The following LINGO2 variants were observed in gnomAD, a reference collection of about 807,000 sequenced individuals.
The protein encoded by LINGO2 is leucine rich repeat and Ig domain containing 2, also known as leucine-rich repeat and immunoglobulin-like domain-containing nogo receptor-interacting protein 2.
LINGO2 carries 14 observed loss-of-function variants against 30.6 expected under a neutral mutation model. The ratio of observed to expected loss-of-function variants is 0.46; its 90% CI spans 0.30 to 0.72. The LOEUF is 0.72. Among genes scored for constraint, LINGO2 ranks in the 30% least tolerant of loss-of-function variants. The probability of loss-of-function intolerance (pLI) is 0.07; values close to 1 mark genes in which losing one functional copy is unlikely to be tolerated. For synonymous variants in LINGO2, 317 were observed against 288.5 expected, an observed-to-expected ratio of 1.10 and a Z score of -1.00; for missense variants, 729 against 751.7, an observed-to-expected ratio of 0.97 and a Z score of 0.35.
intron 1 of LINGO2, among the ~76,000 whole-genome samples, chr9:28,631,041 C>T (rs1826913301): frequency 6.6e-6 from 1 of 151,444 alleles, no homozygotes; most frequent in Non-Finnish European, 1.5e-5. Context: ...ATTATTTTTG[C>T]AACAGTATGT....
the LINGO2 span, among the ~76,000 whole-genome samples, chr9:29,069,563 C>A: frequency 6.6e-6 from 1 of 151,766 alleles, no homozygotes; most frequent in Non-Finnish European, 1.5e-5. Flanking sequence ...TATGAAATTC[C>A]TTTTTCAAGT....
intron 4 of LINGO2, among the ~76,000 whole-genome samples, chr9:28,071,426 T>C (rs1452935279): frequency 1.3e-5 from 2 of 152,134 alleles, no homozygotes; most frequent in African/African-American, 4.8e-5. Flanking sequence ...TTTCAATCAC[T>C]CTGCTACTCT....
intron 4 of LINGO2, among the ~76,000 whole-genome samples, chr9:28,272,346 T>C (rs1218554010): frequency 6.6e-6 from 1 of 151,822 alleles, no homozygotes; most frequent in Non-Finnish European, 1.5e-5. Context: ...AGCTGAACCT[T>C]TGTCTCACAT....
the LINGO2 span, among the ~76,000 whole-genome samples, chr9:28,983,148 T>G: frequency 6.6e-6 from 1 of 152,022 alleles, no homozygotes; most frequent in Non-Finnish European, 1.5e-5. Context: ...GGCCACAGCC[T>G]GTTTTCAGAC....
chr9:28,343,561 G>C (rs1263728004), intron 3 of LINGO2, among the ~76,000 whole-genome samples: 1 of 152,174 alleles, frequency 6.6e-6, no homozygotes, highest in African/African-American at 2.4e-5. Context: ...TCTTGGGACT[G>C]AGATGAAAAT....
intron 2 of LINGO2, among the ~76,000 whole-genome samples, chr9:28,472,008 T>C (rs1825539110): frequency 6.6e-6 from 1 of 152,138 alleles, no homozygotes; most frequent in Admixed American, 6.5e-5. Flanking sequence ...AAATAATCTA[T>C]AGTATTAGAA....
At chr9:28,158,508 C>G (rs764810995) in intron 4 of LINGO2, among the ~76,000 whole-genome samples, 1 of 152,184 alleles carries the variant, frequency 6.6e-6, no homozygotes, top group African/African-American at 2.4e-5. Context: ...CTCTCCCTAG[C>G]CTTTTCTTTC....
the LINGO2 span, among the ~76,000 whole-genome samples, chr9:28,817,425 T>C: frequency 2.0e-5 from 3 of 152,154 alleles, no homozygotes; most frequent in Non-Finnish European, 4.4e-5. Context: ...ACACAGATAT[T>C]TGAATGCTTT....
the LINGO2 span, among the ~76,000 whole-genome samples, chr9:28,852,466 A>G: frequency 7.5e-6 from 1 of 133,226 alleles, no homozygotes; most frequent in Admixed American, 7.6e-5. Context: ...TTTATGGTTC[A>G]GTTAAGAGTG....
chr9:29,162,804 T>G, the LINGO2 span, among the ~76,000 whole-genome samples: 1 of 152,128 alleles, frequency 6.6e-6, no homozygotes, highest in Non-Finnish European at 1.5e-5. Context: ...AAAGTGCAGC[T>G]GGAGAAAAAA....
intron 1 of LINGO2, among the ~76,000 whole-genome samples, chr9:28,662,226 CGG>C (rs1828612108): frequency 6.6e-6 from 1 of 152,108 alleles, no homozygotes; most frequent in African/African-American, 2.4e-5. Context: ...GAATCCAGAG[CGG>C]GGCCCAATGC....
chr9:28,661,002 A>G (rs1031902228), intron 1 of LINGO2, among the ~76,000 whole-genome samples: 6 of 152,100 alleles, frequency 3.9e-5, no homozygotes, highest in African/African-American at 1.4e-4. Flanking sequence ...TAAATGTTGT[A>G]GACTGCAAAA....
At chr9:27,971,211 A>C (rs1455642778) in intron 5 of LINGO2, among the ~76,000 whole-genome samples, 1 of 150,338 alleles carries the variant, frequency 6.7e-6, no homozygotes, top group African/African-American at 2.5e-5. Context: ...CTCTATTTTC[A>C]CTTCTTTTTC....
chr9:29,023,072 T>C, the LINGO2 span, among the ~76,000 whole-genome samples: 1 of 152,144 alleles, frequency 6.6e-6, no homozygotes, highest in Non-Finnish European at 1.5e-5. Context: ...AACATATACT[T>C]GTTGGCTCAC....
chr9:29,176,922 A>G, the LINGO2 span, among the ~76,000 whole-genome samples: 103 of 152,340 alleles, frequency 6.8e-4, 2 homozygotes, highest in South Asian at 0.013. Context: ...AATTCGAATC[A>G]AGAGAAAAGT....
the LINGO2 span, among the ~76,000 whole-genome samples, chr9:29,106,145 T>C: frequency 1.3e-5 from 2 of 152,216 alleles, no homozygotes; most frequent in African/African-American, 4.8e-5. Flanking sequence ...CAAGTTTTTA[T>C]ACTTTGTATA....
At chr9:28,528,759 A>AGG (rs1821120648) in intron 1 of LINGO2, among the ~76,000 whole-genome samples, 1 of 145,592 alleles carries the variant, frequency 6.9e-6, no homozygotes, top group African/African-American at 2.8e-5. Flanking sequence ...TCTGCAGCAA[A>AGG]GGTGTGTGTG....
At chr9:28,354,163 T>A (rs1820053069) in intron 3 of LINGO2, among the ~76,000 whole-genome samples, 1 of 151,862 alleles carries the variant, frequency 6.6e-6, no homozygotes, top group African/African-American at 2.4e-5. Context: ...AAAAAAAAAA[T>A]GCTGTTCACG....
At chr9:28,927,629 A>G in the LINGO2 span, among the ~76,000 whole-genome samples, 1 of 152,346 alleles carries the variant, frequency 6.6e-6, no homozygotes, top group South Asian at 2.1e-4. Context: ...AAATAAGTTG[A>G]AGACAATAGT....
Sources: gnomAD v4.1 joint callset for allele counts (sites outside exome capture counted in the v4.1 genomes callset) on GRCh38, gnomAD v4.1.1 for gene constraint, MANE v1.5 for transcripts, NCBI Gene and HGNC (gene_info 2026-07-23, HGNC 2026-07-21) for gene names.